The following CA10 variants were observed in gnomAD, a reference collection of about 807,000 sequenced individuals.
CA10 encodes carbonic anhydrase-related protein 10.
A neutral mutation model predicts 44.2 loss-of-function variants in CA10; 14 were observed. The observed-to-expected ratio is 0.32, with a 90% CI of 0.21 to 0.50. The LOEUF (loss-of-function observed/expected upper bound fraction) is 0.50, where lower values mean the gene tolerates loss of function less well. Among genes scored for constraint, CA10 ranks in the 20% least tolerant of loss-of-function variants. CA10 has a pLI of 0.99. For synonymous variants in CA10, 159 were observed against 141.6 expected (o/e 1.12, Z -0.87); for missense variants, 350 against 409.7 (o/e 0.85, Z 1.26).
At chr17:51,747,902 CT>C in intron 3 of CA10, 84 bp from the exon 4 acceptor site, 1 of 1,027,922 alleles carries the variant, frequency 9.7e-7, no homozygotes, top group Non-Finnish European at 1.4e-6. Flanking sequence ...GGATCAACAC[CT>C]TTTGCTTCCT....
chr17:52,046,284 T>C (rs1334959794), intron 2 of CA10, among the ~76,000 whole-genome samples: 5 of 147,632 alleles, frequency 3.4e-5, no homozygotes, highest in Non-Finnish European at 1.5e-5. Flanking sequence ...TTTTGAGAAA[T>C]TGACAAAATT....
At chr17:51,710,352 C>T (rs1915894579) in intron 4 of CA10, among the ~76,000 whole-genome samples, 1 of 152,140 alleles carries the variant, frequency 6.6e-6, no homozygotes, top group Non-Finnish European at 1.5e-5. Context: ...GGCCATGTCT[C>T]AGGTGCCTAC....
chr17:51,662,375 A>T (rs1914039543), intron 4 of CA10, among the ~76,000 whole-genome samples: 1 of 152,224 alleles, frequency 6.6e-6, no homozygotes, highest in Admixed American at 6.5e-5. Flanking sequence ...AAATAGGTGA[A>T]GTGAAGACAT....
intron 4 of CA10, among the ~76,000 whole-genome samples, chr17:51,708,910 ACT>A (rs1247009216): frequency 1.3e-5 from 2 of 152,112 alleles, no homozygotes; most frequent in African/African-American, 2.4e-5. Context: ...TGAAAGCTGC[ACT>A]CTGTCATCTT....
chr17:51,917,082 C>T (rs1303143802), intron 3 of CA10, among the ~76,000 whole-genome samples: 1 of 152,086 alleles, frequency 6.6e-6, no homozygotes, highest in African/African-American at 2.4e-5. Flanking sequence ...CCTCTAAGAA[C>T]AGTGGTGTGC....
At chr17:51,978,880 C>G (rs1458578827) in intron 2 of CA10, among the ~76,000 whole-genome samples, 1 of 151,990 alleles carries the variant, frequency 6.6e-6, no homozygotes, top group East Asian at 1.9e-4. Context: ...ATGACTTCAC[C>G]GTTTTACCCC....
chr17:51,747,850 G>A, intron 3 of CA10, 32 bp from the exon 4 acceptor site: 2 of 1,554,898 alleles, frequency 1.3e-6, no homozygotes, highest in African/African-American at 1.4e-5. Flanking sequence ...GTCAAGCAAG[G>A]CCCTCCTTCT....
chr17:51,882,059 G>A (rs1329937203), intron 3 of CA10, among the ~76,000 whole-genome samples: 29 of 144,966 alleles, frequency 2.0e-4, no homozygotes, highest in Middle Eastern at 3.2e-3. Context: ...AAACTTCGCA[G>A]TGGCAACAAA....
At chr17:52,044,602 C>A (rs955689758) in intron 2 of CA10, among the ~76,000 whole-genome samples, 7 of 152,002 alleles carry the variant, frequency 4.6e-5, no homozygotes, top group Non-Finnish European at 1.0e-4. Flanking sequence ...CAGCACCCAG[C>A]CTGGGAATTT....
At chr17:52,020,403 AT>A (rs1986100272) in intron 2 of CA10, among the ~76,000 whole-genome samples, 1 of 151,952 alleles carries the variant, frequency 6.6e-6, no homozygotes. Flanking sequence ...TAGGGTCAAT[AT>A]TAATTTATAT....
At chr17:51,962,469 C>T (rs930312384) in intron 2 of CA10, among the ~76,000 whole-genome samples, 2 of 152,154 alleles carry the variant, frequency 1.3e-5, no homozygotes, top group African/African-American at 4.8e-5. Context: ...CTGTGGGCTC[C>T]ATGGATGAGC....
At chr17:51,888,063 C>A (rs538908422) in intron 3 of CA10, among the ~76,000 whole-genome samples, 12 of 151,752 alleles carry the variant, frequency 7.9e-5, no homozygotes, top group East Asian at 3.9e-4. Flanking sequence ...ACAAAAAAAA[C>A]TGTGTGTGAT....
rs188128525 is a variant in CA10, at chr17:52,039,306, A to T, written c.136+33013T>A. On this transcript the variant is annotated intron_variant, in intron 2 of 8. Coordinates refer to ENST00000451037, the MANE Select transcript of CA10 (RefSeq NM_020178.5). ...CCTATTCTCACTGTTGACAGGGATT[A>T]AAAAAATACTTCCATTCCACACAGC... is the stretch of plus-strand genomic sequence containing the variant. Among the ~76,000 whole-genome samples, 3 of 151,642 alleles carry T rather than the reference A, an allele frequency of 2.0e-5. 1 individual carries two copies. The East Asian group carries it at 6.4e-4, about 32-fold the overall frequency.
At chr17:51,725,943 C>T (rs1210844115) in intron 4 of CA10, among the ~76,000 whole-genome samples, 1 of 150,332 alleles carries the variant, frequency 6.7e-6, no homozygotes, top group Admixed American at 6.7e-5. Context: ...GTAATGAGAA[C>T]ACACTTACAC....
At chr17:52,074,953 T>A in intron 1 of CA10, among the ~76,000 whole-genome samples, 1 of 152,168 alleles carries the variant, frequency 6.6e-6, no homozygotes, top group Non-Finnish European at 1.5e-5. Context: ...CCATAATGTT[T>A]TATTGCCAAA....
At chr17:51,637,269 A>G (rs1320279748) in intron 6 of CA10, among the ~76,000 whole-genome samples, 2 of 152,100 alleles carry the variant, frequency 1.3e-5, no homozygotes, top group Non-Finnish European at 2.9e-5. Flanking sequence ...CAATGATGCA[A>G]TTCCCCAAAG....
intron 1 of CA10, among the ~76,000 whole-genome samples, chr17:52,085,519 C>T (rs1165448101): frequency 1.3e-5 from 2 of 152,178 alleles, no homozygotes; most frequent in African/African-American, 4.8e-5. Context: ...TTCAATGACT[C>T]CCTATTGGTT....
chr17:51,978,661 C>G (rs1344216385), intron 2 of CA10, among the ~76,000 whole-genome samples: 2 of 151,964 alleles, frequency 1.3e-5, no homozygotes, highest in African/African-American at 4.8e-5. Flanking sequence ...TAGGCATTAA[C>G]CATTAATTGA....
At chr17:51,765,197 G>C (rs1276245340) in intron 3 of CA10, among the ~76,000 whole-genome samples, 1 of 151,988 alleles carries the variant, frequency 6.6e-6, no homozygotes, top group Non-Finnish European at 1.5e-5. Context: ...GAAGTTTTCT[G>C]TTCATTATCT....
Sources: gnomAD v4.1 joint callset for allele counts (sites outside exome capture counted in the v4.1 genomes callset) on GRCh38, gnomAD v4.1.1 for gene constraint, MANE v1.5 for transcripts, NCBI Gene and HGNC (gene_info 2026-07-23, HGNC 2026-07-21) for gene names.